Variants in SPOCK3 observed in about 807,000 individuals in gnomAD.
SPOCK3 encodes testican-3.
A neutral mutation model predicts 56.6 loss-of-function variants in SPOCK3; 30 were observed. The ratio of observed to expected loss-of-function variants is 0.53; its 90% CI spans 0.40 to 0.72. The LOEUF is 0.72. Among genes scored for constraint, SPOCK3 ranks in the 30% least tolerant of loss-of-function variants. SPOCK3 has a pLI of 0.00. For synonymous variants in SPOCK3, 196 were observed against 183.3 expected, an observed-to-expected ratio of 1.07 and a Z score of -0.56; for missense variants, 527 against 530.0, an observed-to-expected ratio of 0.99 and a Z score of 0.06.
chr4:167,197,415 A>G (rs970484031), intron 2 of SPOCK3, among the ~76,000 whole-genome samples: 1 of 152,304 alleles, frequency 6.6e-6, no homozygotes, highest in South Asian at 2.1e-4. Context: ...ACACATTTTA[A>G]TTCATGACGT....
intron 3 of SPOCK3, among the ~76,000 whole-genome samples, chr4:167,024,615 A>G (rs1365944): frequency 0.38 from 57,029 of 151,918 alleles, 13,582 homozygotes; most frequent in African/African-American, 0.68. Flanking sequence ...ATACATTAGG[A>G]TATGTGTCAG....
chr4:166,752,843 G>A (rs1736602664), intron 8 of SPOCK3, among the ~76,000 whole-genome samples: 1 of 151,902 alleles, frequency 6.6e-6, no homozygotes, highest in South Asian at 2.1e-4. Flanking sequence ...TTGGCTAAGA[G>A]TTTAGCCAAA....
At chr4:166,950,845 T>C (rs977488772) in intron 4 of SPOCK3, among the ~76,000 whole-genome samples, 10 of 148,594 alleles carry the variant, frequency 6.7e-5, no homozygotes, top group Non-Finnish European at 1.5e-4. Flanking sequence ...ACTGGGTACA[T>C]AATGAAATGA....
At chr4:167,228,568 G>A (rs906756223) in intron 2 of SPOCK3, among the ~76,000 whole-genome samples, 12 of 152,050 alleles carry the variant, frequency 7.9e-5, no homozygotes, top group African/African-American at 2.7e-4. Flanking sequence ...GCCTTCCTTC[G>A]TCATGTGATA....
At chr4:167,114,177 C>T (rs1047981358) in intron 2 of SPOCK3, among the ~76,000 whole-genome samples, 1 of 152,196 alleles carries the variant, frequency 6.6e-6, no homozygotes. Flanking sequence ...GACAAACAAA[C>T]AATGAGAAAA....
chr4:166,779,797 C>G (rs1289114820), intron 7 of SPOCK3, among the ~76,000 whole-genome samples: 1 of 152,102 alleles, frequency 6.6e-6, no homozygotes, highest in Non-Finnish European at 1.5e-5. Context: ...ACACAAAGGT[C>G]ATTCCTAATC....
chr4:167,079,334 A>G (rs1274489139), intron 2 of SPOCK3, among the ~76,000 whole-genome samples: 9 of 151,986 alleles, frequency 5.9e-5, no homozygotes, highest in Admixed American at 5.3e-4. Context: ...GGAACAACCT[A>G]TATCCCTTGA....
At chr4:166,994,007 G>A (rs912506984) in intron 4 of SPOCK3, among the ~76,000 whole-genome samples, 5 of 152,132 alleles carry the variant, frequency 3.3e-5, no homozygotes, top group African/African-American at 4.8e-5. Flanking sequence ...CTGGAGAAAT[G>A]GAGATGGAGC....
At chr4:166,797,103 G>A (rs1199944302) in intron 6 of SPOCK3, among the ~76,000 whole-genome samples, 1 of 149,758 alleles carries the variant, frequency 6.7e-6, no homozygotes, top group Non-Finnish European at 1.5e-5. Flanking sequence ...ATTACTTGTT[G>A]GACTCTTAAT....
At chr4:167,172,814 A>G (rs1054131992) in intron 2 of SPOCK3, among the ~76,000 whole-genome samples, 13 of 152,182 alleles carry the variant, frequency 8.5e-5, no homozygotes, top group Admixed American at 8.5e-4. Context: ...TTGGAAAGAC[A>G]TATCTGGTTG....
intron 3 of SPOCK3, among the ~76,000 whole-genome samples, chr4:167,030,423 C>T (rs1320801738): frequency 2.6e-5 from 4 of 152,064 alleles, no homozygotes; most frequent in Admixed American, 6.6e-5. Flanking sequence ...TTCTTGGCTG[C>T]GAAGCACAGG....
chr4:167,154,118 A>C (rs1218376887), intron 2 of SPOCK3, among the ~76,000 whole-genome samples: 1 of 152,172 alleles, frequency 6.6e-6, no homozygotes, highest in Admixed American at 6.5e-5. Flanking sequence ...TACAATCCCA[A>C]GTATGTTATT....
At chr4:166,966,447 T>G (rs1003217042) in intron 4 of SPOCK3, among the ~76,000 whole-genome samples, 3 of 152,122 alleles carry the variant, frequency 2.0e-5, no homozygotes, top group Non-Finnish European at 4.4e-5. Context: ...AGACAACCAT[T>G]TTACTCTATT....
At position 166,867,351 on chromosome 4, in the gene SPOCK3, A is replaced by G. The variant is rs143302247; in HGVS notation, c.589+21779T>C. On this transcript the variant is annotated intron_variant, in intron 6 of 10. Coordinates refer to ENST00000357545, the MANE Select transcript of SPOCK3 (RefSeq NM_001040159.2). Reference sequence around the variant, plus strand: ...GTTTTAATATGCATGAGAAAGAGATAGAGAAGAGTGTTCCATACTCGTGAG... The same window carrying G: ...GTTTTAATATGCATGAGAAAGAGATGGAGAAGAGTGTTCCATACTCGTGAG... Among the ~76,000 whole-genome samples, 902 of 152,158 alleles carry G rather than the reference A, an allele frequency of 5.9e-3. 5 individuals carry two copies. The highest frequency in any genetic ancestry group is 9.2e-3 in the Non-Finnish European group (625 of 67,960).
At chr4:166,915,193 C>T (rs932131931) in intron 4 of SPOCK3, among the ~76,000 whole-genome samples, 4 of 151,844 alleles carry the variant, frequency 2.6e-5, no homozygotes, top group Admixed American at 2.0e-4. Context: ...TTTGCATTTC[C>T]AGACTCCTTT....
intron 3 of SPOCK3, among the ~76,000 whole-genome samples, chr4:167,028,514 C>T (rs1039215868): frequency 1.3e-5 from 2 of 151,890 alleles, no homozygotes; most frequent in African/African-American, 2.4e-5. Flanking sequence ...ACTTGAGGGC[C>T]CCTTATATTG....
At chr4:166,866,406 G>A (rs1359079519) in intron 6 of SPOCK3, among the ~76,000 whole-genome samples, 1 of 152,134 alleles carries the variant, frequency 6.6e-6, no homozygotes, top group Non-Finnish European at 1.5e-5. Flanking sequence ...AAAAGCAATT[G>A]CAGCAAAAGC....
intron 2 of SPOCK3, among the ~76,000 whole-genome samples, chr4:167,156,166 A>G (rs1764803282): frequency 6.6e-6 from 1 of 152,138 alleles, no homozygotes; most frequent in Admixed American, 6.6e-5. Context: ...AGTCTTCACA[A>G]TTGTGTGTTC....
At chr4:167,131,050 G>A (rs1385694633) in intron 2 of SPOCK3, among the ~76,000 whole-genome samples, 1 of 151,882 alleles carries the variant, frequency 6.6e-6, no homozygotes, top group Non-Finnish European at 1.5e-5. Flanking sequence ...TATTCTAAAT[G>A]TATATTAGTT....
Sources: gnomAD v4.1 joint callset for allele counts (sites outside exome capture counted in the v4.1 genomes callset) on GRCh38, gnomAD v4.1.1 for gene constraint, MANE v1.5 for transcripts, NCBI Gene and HGNC (gene_info 2026-07-23, HGNC 2026-07-21) for gene names.